Variants in PRKAG2 observed in about 807,000 individuals in gnomAD.
PRKAG2 encodes 5'-AMP-activated protein kinase subunit gamma-2.
Under a neutral mutation model 69.6 loss-of-function variants are expected in PRKAG2, and 26 were observed. The observed-to-expected ratio is 0.37, with a 90% confidence interval of 0.27 to 0.52. The LOEUF is 0.52. PRKAG2 is among the 20% of genes least tolerant of loss of function. PRKAG2 has a pLI of 0.90. For synonymous variants in PRKAG2, 293 were observed against 285.0 expected (o/e 1.03, Z -0.28); for missense variants, 557 against 740.0 (o/e 0.75, Z 2.87).
At position 151,871,147 on chromosome 7, in the gene PRKAG2, T is replaced by G. The variant is rs151030182; in HGVS notation, c.114+5360A>C. ...ATGGCAGCCAGCCTTGATTAAAGCA[T>G]GTCTATGGGGTCTATGAACTTTAGC... On this transcript the variant is annotated intron_variant, in intron 1 of 15. Coordinates refer to ENST00000287878, the MANE Select transcript of PRKAG2 (RefSeq NM_016203.4). 2.8e-3 allele frequency among the ~76,000 whole-genome samples: 433 copies of G among 152,346 alleles called. 5 individuals are homozygous for G. The highest frequency in any genetic ancestry group is 9.9e-3 in the African/African-American group (411 of 41,590).
intron 1 of PRKAG2, among the ~76,000 whole-genome samples, chr7:151,839,534 T>G (rs2079227244): frequency 6.6e-6 from 1 of 152,240 alleles, no homozygotes; most frequent in African/African-American, 2.4e-5. Flanking sequence ...TCCAATGCTT[T>G]CGCCACACCT....
intron 1 of PRKAG2, among the ~76,000 whole-genome samples, chr7:151,787,827 G>A (rs1586537971): frequency 6.6e-6 from 1 of 152,162 alleles, no homozygotes. Context: ...TATGACTGGT[G>A]TCCTTCAAGG....
At position 151,828,144 on chromosome 7, in the gene PRKAG2, C is replaced by T. The variant is rs1194520046; in HGVS notation, c.115-41603G>A. Among the ~76,000 whole-genome samples, 1 of 152,234 alleles carries T rather than the reference C, an allele frequency of 6.6e-6. No homozygotes were observed. The highest frequency in any genetic ancestry group is 6.5e-5 in the Admixed American group (1 of 15,288). ...CCTGCTACCCAGGGGAGCCCCGACCCCAGGCTGGCCCTGGAATGAGTGCAA... is the reference window on the plus strand; with the variant it reads ...CCTGCTACCCAGGGGAGCCCCGACCTCAGGCTGGCCCTGGAATGAGTGCAA... On this transcript the variant is annotated intron_variant, in intron 1 of 15. Coordinates refer to ENST00000287878, the MANE Select transcript of PRKAG2 (RefSeq NM_016203.4). This position sits in a 1 kb window ranked among gnomAD's most constrained non-coding sequence, Gnocchi z 4.6.
At chr7:151,671,264 G>C (rs1386005998) in intron 4 of PRKAG2, among the ~76,000 whole-genome samples, 1 of 150,690 alleles carries the variant, frequency 6.6e-6, no homozygotes, top group Admixed American at 6.6e-5. Flanking sequence ...AAATTCATGG[G>C]AACAGATTTT....
intron 3 of PRKAG2, among the ~76,000 whole-genome samples, chr7:151,701,671 A>G (rs557893280): frequency 2.6e-5 from 4 of 152,106 alleles, no homozygotes; most frequent in East Asian, 1.9e-4. Flanking sequence ...GTGAAACCCC[A>G]TCTCTACTAA....
intron 6 of PRKAG2, 113 bp from the exon 7 acceptor site, chr7:151,576,565 A>G (rs1808986945): frequency 2.2e-6 from 2 of 915,962 alleles, no homozygotes; most frequent in Non-Finnish European, 3.4e-6. Context: ...CAGTGGCACC[A>G]TCTTGGCTCA....
At chr7:151,675,157 G>C in intron 4 of PRKAG2, 1 of 447,050 alleles carries the variant, frequency 2.2e-6, no homozygotes, top group African/African-American at 2.0e-5. Context: ...CTGGCCTCAA[G>C]TGATCTGCCT....
intron 3 of PRKAG2, among the ~76,000 whole-genome samples, chr7:151,697,996 T>C (rs746567089): frequency 1.4e-4 from 21 of 152,268 alleles, no homozygotes; most frequent in Middle Eastern, 6.8e-3. Flanking sequence ...ATTTTTGTGC[T>C]GTTTTCCTCT....
intron 1 of PRKAG2, among the ~76,000 whole-genome samples, chr7:151,829,391 T>C (rs2078973282): frequency 2.0e-5 from 3 of 152,172 alleles, no homozygotes; most frequent in Admixed American, 6.5e-5. Context: ...TACAAAGAAA[T>C]TGCAATCCTC....
At chr7:151,558,876 A>T (rs1232921980) in intron 15 of PRKAG2, 1 of 985,442 alleles carries the variant, frequency 1.0e-6, no homozygotes, top group East Asian at 1.1e-4. Flanking sequence ...ACAACCGTTC[A>T]TTCTTATGGT....
intron 5 of PRKAG2, among the ~76,000 whole-genome samples, chr7:151,624,137 CGTGTGTGT>C (rs58644630): frequency 0.14 from 20,148 of 145,046 alleles, 1,537 homozygotes; most frequent in African/African-American, 0.18. Flanking sequence ...CAGAAGGCAG[CGTGTGTGT>C]GTGTGTGTGT....
intron 5 of PRKAG2, among the ~76,000 whole-genome samples, chr7:151,626,958 AG>A (rs1288544447): frequency 6.6e-6 from 1 of 152,170 alleles, no homozygotes; most frequent in Non-Finnish European, 1.5e-5. Flanking sequence ...TCACTTACTC[AG>A]GGTGTTACTC....
chr7:151,816,135 C>T (rs1367695725), intron 1 of PRKAG2, among the ~76,000 whole-genome samples: 1 of 152,088 alleles, frequency 6.6e-6, no homozygotes, highest in Admixed American at 6.5e-5. Flanking sequence ...TTTGGGGGGC[C>T]TCTGTAGGGG....
chr7:151,619,406 G>GT (rs1366963166), intron 5 of PRKAG2, among the ~76,000 whole-genome samples: 5 of 152,158 alleles, frequency 3.3e-5, no homozygotes, highest in African/African-American at 1.2e-4. Context: ...AACTTTCCGA[G>GT]TGCCAACACA....
chr7:151,712,233 T>C (rs948144582), intron 3 of PRKAG2, among the ~76,000 whole-genome samples: 6 of 152,074 alleles, frequency 3.9e-5, no homozygotes, highest in African/African-American at 1.4e-4. Context: ...CTGAGGAGTG[T>C]GAACAATGGG....
chr7:151,745,477 A>G (rs1424356894), intron 3 of PRKAG2, among the ~76,000 whole-genome samples: 1 of 152,172 alleles, frequency 6.6e-6, no homozygotes, highest in Non-Finnish European at 1.5e-5. Context: ...CCCTGACTCA[A>G]GCCCCCACGC....
At chr7:151,578,115 T>C (rs1809432097) in intron 6 of PRKAG2, among the ~76,000 whole-genome samples, 1 of 148,522 alleles carries the variant, frequency 6.7e-6, no homozygotes, top group Admixed American at 6.7e-5. Flanking sequence ...CCCCCCGAGA[T>C]GGGCAGATCA....
chr7:151,799,693 C>T (rs950555860), intron 1 of PRKAG2, among the ~76,000 whole-genome samples: 3 of 152,210 alleles, frequency 2.0e-5, no homozygotes, highest in East Asian at 1.9e-4. Context: ...CATGGAGGGG[C>T]TCCAGATGCC....
intron 3 of PRKAG2, among the ~76,000 whole-genome samples, chr7:151,768,695 G>A (rs2075866987): frequency 6.6e-6 from 1 of 152,188 alleles, no homozygotes; most frequent in South Asian, 2.1e-4. Context: ...TTGAACTCCT[G>A]GGCTCAAGTG....
Sources: allele counts gnomAD v4.1 joint callset (sites outside exome capture counted in the v4.1 genomes callset), GRCh38; gene constraint gnomAD v4.1.1; non-coding constraint Gnocchi (gnomAD v3.1); transcripts MANE v1.5; gene names NCBI Gene and HGNC (gene_info 2026-07-23, HGNC 2026-07-21).